Variants in SPOCK1 observed in about 807,000 individuals in gnomAD.
SPOCK1 encodes the protein SPARC (osteonectin), cwcv and kazal like domains proteoglycan 1.
In SPOCK1, 23 loss-of-function variants were observed where a neutral mutation model predicts 55.3. The ratio of observed to expected loss-of-function variants is 0.42; its 90% CI spans 0.30 to 0.59. The LOEUF is 0.59. SPOCK1 is among the 20% of genes least tolerant of loss of function. The pLI is 0.22. For synonymous variants in SPOCK1, 226 were observed against 221.0 expected (o/e 1.02, Z -0.20); for missense variants, 499 against 552.5 (o/e 0.90, Z 0.97).
At position 136,985,175 on chromosome 5, in the gene SPOCK1, C is replaced by A; in HGVS notation, c.956G>T (p.Arg319Ile). ...TTTCCCCTTACTCAGCTTCTGAATT[C>A]TGTTCATTTCATTCTGGCAAGGGAG... ...GGLPCQNEMN[R>I]IQKLSKGKSL... The change falls in exon 9 of 11, where the codon AGA (arginine) becomes ATA (isoleucine). Residue 319 changes from arginine (R) to isoleucine (I), a missense_variant. By Grantham distance (97) the Arg-to-Ile change is moderately conservative. This residue lies in a region of SPOCK1 where 30 missense variants were observed against 64.4 expected (regional missense o/e 0.47). Coordinates refer to ENST00000394945, the MANE Select transcript of SPOCK1 (RefSeq NM_004598.4). The A allele has an allele frequency of 1.2e-6, 2 of 1,614,118 alleles. No individual in the cohort carries two copies. The highest frequency in any genetic ancestry group is 1.7e-6 in the Non-Finnish European group (2 of 1,179,968).
At chr5:137,140,474 A>G (rs1244018148) in intron 4 of SPOCK1, 106 bp downstream of exon 4, 1 of 877,562 alleles carries the variant, frequency 1.1e-6, no homozygotes, top group South Asian at 1.7e-5. Context: ...CGACCCTAAC[A>G]CTATGCTCTC....
chr5:137,498,266 CCACACACACACACA>C (rs544933594), intron 2 of SPOCK1, 93 bp downstream of exon 2: 205 of 796,374 alleles, frequency 2.6e-4, no homozygotes, highest in African/African-American at 3.5e-4. Flanking sequence ...CCCCTCCCAA[CCACACACACACACA>C]CACACACACA....
chr5:137,302,365 T>C (rs550306032), intron 2 of SPOCK1, among the ~76,000 whole-genome samples: 72 of 150,120 alleles, frequency 4.8e-4, no homozygotes, highest in South Asian at 4.4e-3. Flanking sequence ...GTCAGGAGAT[T>C]GAGACCATCC....
intron 3 of SPOCK1, among the ~76,000 whole-genome samples, chr5:137,179,986 C>T (rs1250062172): frequency 6.6e-6 from 1 of 152,172 alleles, no homozygotes; most frequent in Non-Finnish European, 1.5e-5. Context: ...CTCCTTTCAT[C>T]CTCAGAATAA....
chr5:137,427,960 T>C (rs952914528), intron 2 of SPOCK1, among the ~76,000 whole-genome samples: 7 of 151,576 alleles, frequency 4.6e-5, no homozygotes, highest in East Asian at 3.9e-4. Context: ...CAAGTCATTG[T>C]TACCCTGGCC....
intron 5 of SPOCK1, among the ~76,000 whole-genome samples, chr5:137,076,446 A>G (rs1752762000): frequency 6.6e-6 from 1 of 152,278 alleles, no homozygotes; most frequent in East Asian, 1.9e-4. Context: ...AGTGCATTTA[A>G]TATGTCTAAC....
intron 4 of SPOCK1, among the ~76,000 whole-genome samples, chr5:137,113,620 T>A (rs918739018): frequency 2.1e-4 from 32 of 152,312 alleles, no homozygotes; most frequent in African/African-American, 6.7e-4. Flanking sequence ...TAGAATTGAC[T>A]TCAAGTGGAT....
At position 136,975,305 on chromosome 5, in the gene SPOCK1, C is replaced by T. The variant is rs2126954381; in HGVS notation, c.*3349G>A. ...AATACAAACACTCAGATATTGCAGACAAAGTAAAATTTATTGAGACAGACA... is the reference window on the plus strand; with the variant it reads ...AATACAAACACTCAGATATTGCAGATAAAGTAAAATTTATTGAGACAGACA... On this transcript the variant is annotated 3_prime_UTR_variant, in exon 11 of 11. Coordinates refer to ENST00000394945, the MANE Select transcript of SPOCK1 (RefSeq NM_004598.4). The T allele has an allele frequency of 6.6e-6, 1 of 152,660 alleles. No individual in the cohort carries two copies. Among genetic ancestry groups the T allele is most frequent in the East Asian group, 1.9e-4 (1 of 5,180 alleles). The allele number at this position is 152,660 out of a possible 1,614,324, so 9.5% of individuals were successfully genotyped here.
chr5:137,333,997 A>T (rs1429730230), intron 2 of SPOCK1, among the ~76,000 whole-genome samples: 2 of 152,192 alleles, frequency 1.3e-5, no homozygotes, highest in Non-Finnish European at 2.9e-5. Context: ...GGTAGTTTCC[A>T]TCTTGACAAG....
At chr5:137,276,458 A>G (rs1435725361) in intron 2 of SPOCK1, among the ~76,000 whole-genome samples, 1 of 151,820 alleles carries the variant, frequency 6.6e-6, no homozygotes, top group Non-Finnish European at 1.5e-5. Context: ...GAAGCTGGCT[A>G]CTCCTCTGCA....
At chr5:137,094,973 G>T (rs181817240) in intron 5 of SPOCK1, among the ~76,000 whole-genome samples, 108 of 152,260 alleles carry the variant, frequency 7.1e-4, no homozygotes, top group African/African-American at 2.5e-3. Context: ...ACACTTAGAG[G>T]CCACTACAGT....
chr5:137,160,620 TA>T (rs1280049654), intron 3 of SPOCK1, among the ~76,000 whole-genome samples: 3 of 85,462 alleles, frequency 3.5e-5, no homozygotes, highest in African/African-American at 1.5e-4. Context: ...ATATAATATA[TA>T]TTTTATATAA....
intron 2 of SPOCK1, among the ~76,000 whole-genome samples, chr5:137,306,085 G>T (rs968213390): frequency 6.6e-6 from 1 of 152,160 alleles, no homozygotes; most frequent in Non-Finnish European, 1.5e-5. Context: ...ACCATGGCGT[G>T]GAAATGGCTT....
chr5:137,092,439 C>T (rs911576975), intron 5 of SPOCK1, among the ~76,000 whole-genome samples: 1 of 152,180 alleles, frequency 6.6e-6, no homozygotes, highest in Non-Finnish European at 1.5e-5. Flanking sequence ...CCCCACTTGG[C>T]GCTTCTGCCA....
intron 2 of SPOCK1, among the ~76,000 whole-genome samples, chr5:137,340,225 G>A (rs138172354): frequency 6.6e-6 from 1 of 152,292 alleles, no homozygotes; most frequent in East Asian, 1.9e-4. Flanking sequence ...ACAGTTGGAT[G>A]ACACGCCCTC....
At chr5:137,257,731 C>T (rs1281523307) in intron 3 of SPOCK1, among the ~76,000 whole-genome samples, 1 of 152,224 alleles carries the variant, frequency 6.6e-6, no homozygotes, top group East Asian at 1.9e-4. Flanking sequence ...ATCTGCCCAT[C>T]TTCAGAAAGG....
chr5:137,407,051 T>C (rs190962223), intron 2 of SPOCK1, among the ~76,000 whole-genome samples: 6 of 152,314 alleles, frequency 3.9e-5, no homozygotes, highest in African/African-American at 1.4e-4. Context: ...CTGTGAGGCA[T>C]TAACAGCATC....
intron 8 of SPOCK1, among the ~76,000 whole-genome samples, chr5:136,987,155 A>C (rs1299412618): frequency 6.6e-6 from 1 of 152,130 alleles, no homozygotes; most frequent in Non-Finnish European, 1.5e-5. Context: ...AATTTAAGTG[A>C]ACAGCAAAAA....
rs983282690 is a variant in SPOCK1 at position 137,115,183 on chromosome 5, C to T, written c.348-2622G>A. ...AGATATCCCTGTAGGGTGGCGGGGTCGGTGGGGGGAGTCCCTATGTGCTGA... is the reference window on the plus strand; with the variant it reads ...AGATATCCCTGTAGGGTGGCGGGGTTGGTGGGGGGAGTCCCTATGTGCTGA... On this transcript the variant is annotated intron_variant, in intron 4 of 10. Coordinates refer to ENST00000394945, the MANE Select transcript of SPOCK1 (RefSeq NM_004598.4). Among the ~76,000 whole-genome samples, 12 of 152,032 alleles carry T rather than the reference C, an allele frequency of 7.9e-5. No individual in the cohort carries two copies. In the East Asian group the frequency reaches 1.6e-3, roughly 20 times the overall value.
Sources: gnomAD v4.1 joint callset for allele counts (sites outside exome capture counted in the v4.1 genomes callset) on GRCh38, gnomAD v4.1.1 for gene constraint, gnomAD v4.1.1 regional missense constraint, MANE v1.5 for transcripts, NCBI Gene and HGNC (gene_info 2026-07-23, HGNC 2026-07-21) for gene names.